Variants in FAM227A observed in about 807,000 individuals in gnomAD.
FAM227A encodes the protein family with sequence similarity 227 member A, also known as protein FAM227A.
In FAM227A, 80 loss-of-function variants were observed where a neutral mutation model predicts 74.7. The observed-to-expected ratio is 1.07, with a 90% CI of 0.89 to 1.29. The LOEUF is 1.29. Ranked by LOEUF, FAM227A falls within the 50% of genes most tolerant of loss-of-function variation. The probability of loss-of-function intolerance (pLI) is 0.00; values close to 1 mark genes in which losing one functional copy is unlikely to be tolerated. For missense variants in FAM227A, 654 were observed against 683.4 expected (o/e 0.96, Z 0.48); for synonymous variants, 237 against 241.8 (o/e 0.98, Z 0.19).
At chr22:38,650,969 G>A (rs1010577596) in intron 1 of FAM227A, among the ~76,000 whole-genome samples, 10 of 152,174 alleles carry the variant, frequency 6.6e-5, no homozygotes, top group South Asian at 6.2e-4. Context: ...CAGAGAAAAC[G>A]TTGAGTTTGG....
At chr22:38,608,856 C>T (rs1453314460) in intron 11 of FAM227A, among the ~76,000 whole-genome samples, 5 of 133,994 alleles carry the variant, frequency 3.7e-5, no homozygotes, top group Non-Finnish European at 7.6e-5. Flanking sequence ...AGTACAATGG[C>T]GTGATCTTGG....
chr22:38,623,383 A>G (rs2091733259), intron 9 of FAM227A, 104 bp from the exon 10 acceptor site: 1 of 701,036 alleles, frequency 1.4e-6, no homozygotes, highest in Non-Finnish European at 2.5e-6. Flanking sequence ...TGAGCCCAGG[A>G]GACCAGCCTA....
chr22:38,586,384 C>G (rs1341271124), intron 16 of FAM227A, among the ~76,000 whole-genome samples, 185 bp from the exon 17 acceptor site: 1 of 152,150 alleles, frequency 6.6e-6, no homozygotes, highest in Non-Finnish European at 1.5e-5. Flanking sequence ...CTTCCACATC[C>G]CCAGTGCCTC....
At chr22:38,627,793 A>G (rs1482614354) in intron 8 of FAM227A, among the ~76,000 whole-genome samples, 1 of 151,900 alleles carries the variant, frequency 6.6e-6, no homozygotes, top group Admixed American at 6.6e-5. Context: ...TAGTAGAGAC[A>G]GGGTTTTGCC....
intron 6 of FAM227A, among the ~76,000 whole-genome samples, chr22:38,635,078 T>C (rs2091977376): frequency 6.6e-6 from 1 of 151,916 alleles, no homozygotes; most frequent in African/African-American, 2.4e-5. Context: ...CCCCCGTTTC[T>C]AATAAAAATA....
chr22:38,616,817 C>T (rs1240011836), intron 11 of FAM227A, among the ~76,000 whole-genome samples: 1 of 152,020 alleles, frequency 6.6e-6, no homozygotes, highest in Non-Finnish European at 1.5e-5. Context: ...AAGAGGGGCG[C>T]TAAGGGCATC....
chr22:38,591,953 CTT>C (rs112701206), intron 15 of FAM227A, among the ~76,000 whole-genome samples: 11 of 143,392 alleles, frequency 7.7e-5, no homozygotes, highest in Admixed American at 7.0e-5. Flanking sequence ...ATCTTTTTTT[CTT>C]TTTTTTTTTT....
chr22:38,596,828 A>T (rs879278251), intron 15 of FAM227A, among the ~76,000 whole-genome samples: 2 of 152,206 alleles, frequency 1.3e-5, no homozygotes, highest in Non-Finnish European at 2.9e-5. Context: ...ATAGGTCTAA[A>T]AAACAGACCA....
chr22:38,609,276 C>T (rs1167310482), intron 11 of FAM227A, among the ~76,000 whole-genome samples: 2 of 152,294 alleles, frequency 1.3e-5, no homozygotes, highest in East Asian at 3.9e-4. Context: ...CGTGGCCACA[C>T]GTAGCGGTAG....
Position 38,584,258 on chromosome 22 carries a change from G to A in FAM227A, c.*1867C>T, listed in dbSNP as rs2090760668. ...CTGTATTCACAGGGCCTAGTGCAGGGATGGTACAGAATAGACATCTAGCAA... is the reference window on the plus strand; with the variant it reads ...CTGTATTCACAGGGCCTAGTGCAGGAATGGTACAGAATAGACATCTAGCAA... On this transcript the variant is annotated 3_prime_UTR_variant, in exon 17 of 17. Coordinates refer to ENST00000535113, the MANE Select transcript of FAM227A (RefSeq NM_001013647.2). The A allele has an allele frequency of 6.6e-6, 1 of 152,128 alleles. No homozygotes were observed. The highest frequency in any genetic ancestry group is 1.5e-5 in the Non-Finnish European group (1 of 68,058). 9.4% of individuals were successfully genotyped at this position (152,128 alleles called of 1,614,324 possible). A position where few individuals can be genotyped will look rare whatever the true frequency, so the allele number is the denominator to read the frequency against.
chr22:38,623,178 T>C lies in FAM227A; in HGVS notation c.952A>G (p.Thr318Ala). ...EELMLYRRRL[T>A]KGREFSLFAG... ...GCTGTACCTGCTATCTTACCCTTTG[T>C]CAGTCTTCTTCTGTACAACATTAAT... The change falls in exon 10 of 17, where the codon ACA becomes GCA. Residue 318 changes from threonine (T) to alanine (A), a missense_variant. By Grantham distance (58) the Thr-to-Ala change is moderately conservative. Coordinates refer to ENST00000535113, the MANE Select transcript of FAM227A (RefSeq NM_001013647.2). 6.5e-7 allele frequency: 1 copy of C among 1,550,038 alleles called. No homozygotes were observed.
At chr22:38,618,964 C>T (rs1209669602) in intron 11 of FAM227A, among the ~76,000 whole-genome samples, 3 of 144,660 alleles carry the variant, frequency 2.1e-5, no homozygotes, top group Non-Finnish European at 3.0e-5. Context: ...TTTTTTCCAG[C>T]TCTTCAGAAA....
At chr22:38,615,169 CG>C (rs1318020679) in intron 11 of FAM227A, among the ~76,000 whole-genome samples, 1 of 152,206 alleles carries the variant, frequency 6.6e-6, no homozygotes, top group Non-Finnish European at 1.5e-5. Flanking sequence ...ATTATAGGCA[CG>C]CACTGCCACG....
Position 38,605,104 on chromosome 22 carries a change from C to T in FAM227A, c.1221+150G>A, listed in dbSNP as rs1392734772. The T allele has an allele frequency of 1.1e-5, 6 of 550,134 alleles. No individual in the cohort carries two copies. The East Asian group carries it at 1.2e-4, about 11-fold the overall frequency. 34.1% of individuals were successfully genotyped at this position (550,134 alleles called of 1,614,324 possible). On this transcript the variant is annotated intron_variant, in intron 13 of 16. Transcript: ENST00000535113. ...TGGTAACTATCTCAGAGGACTGTGA[C>T]AGTAGAAGAAAATGCACTGTTTGCA...
chr22:38,637,802 T>C (rs1192848215), intron 5 of FAM227A, among the ~76,000 whole-genome samples: 1 of 152,254 alleles, frequency 6.6e-6, no homozygotes, highest in Admixed American at 6.5e-5. Flanking sequence ...TTAAGAAGGA[T>C]AAGAACAACA....
In FAM227A at chr22:38,591,461, C is replaced by T; in HGVS notation, c.1612G>A (p.Glu538Lys). The change falls in exon 16 of 17, where the codon GAG becomes AAG. Residue 538 changes from glutamate to lysine, a missense_variant. Coordinates refer to ENST00000535113, the MANE Select transcript of FAM227A (RefSeq NM_001013647.2). ...TTAGTTTTCTTGTCAGGTGATTCCT[C>T]ATTGACGGCTGAAGGTGGGATGAAC... Reference protein sequence around the residue: ...HMFIPPSAVNEESPDKKTKEG... With the variant: ...HMFIPPSAVNKESPDKKTKEG... 6.4e-7 allele frequency: 1 copy of T among 1,551,420 alleles called. No homozygotes were observed. Among genetic ancestry groups the T allele is most frequent in the Non-Finnish European group, 8.7e-7 (1 of 1,146,832 alleles).
intron 11 of FAM227A, among the ~76,000 whole-genome samples, chr22:38,615,207 G>A (rs1204673173): frequency 6.6e-6 from 1 of 152,200 alleles, no homozygotes; most frequent in Non-Finnish European, 1.5e-5. Flanking sequence ...ATTTTTAGTA[G>A]AGATGGGGTT....
At chr22:38,610,290 G>A (rs755519860) in intron 11 of FAM227A, among the ~76,000 whole-genome samples, 1 of 152,148 alleles carries the variant, frequency 6.6e-6, no homozygotes, top group Non-Finnish European at 1.5e-5. Context: ...CCCCCAAAAT[G>A]TTAGGATTAC....
At chr22:38,626,865 C>CAAAAAAAAAAAA (rs67498232) in intron 8 of FAM227A, among the ~76,000 whole-genome samples, 1 of 16,796 alleles carries the variant, frequency 6.0e-5, no homozygotes, top group Non-Finnish European at 8.9e-5. Flanking sequence ...GACTCTGTCT[C>CAAAAAAAAAAAA]AAAAAAAAAA....
Sources: allele counts gnomAD v4.1 joint callset (sites outside exome capture counted in the v4.1 genomes callset), GRCh38; gene constraint gnomAD v4.1.1; transcripts MANE v1.5; gene names NCBI Gene and HGNC (gene_info 2026-07-23, HGNC 2026-07-21).